MCM8: variants seen among roughly 807,000 people sequenced by gnomAD.
MCM8 encodes the protein minichromosome maintenance 8 homologous recombination repair factor, also known as DNA helicase MCM8.
MCM8 carries 85 observed loss-of-function variants against 98.9 expected under a neutral mutation model. That is an observed-to-expected ratio of 0.86 (90% CI 0.72 to 1.03). MCM8 has a LOEUF of 1.03. Ranked by LOEUF, MCM8 falls within the 50% of genes least tolerant of loss-of-function variation. The pLI, the probability that MCM8 is intolerant of heterozygous loss-of-function variation, is 0.00. For synonymous variants in MCM8, 352 were observed against 338.6 expected, an observed-to-expected ratio of 1.04 and a Z score of -0.44; for missense variants, 951 against 997.8, an observed-to-expected ratio of 0.95 and a Z score of 0.63.
chr20:5,972,911 T>C, intron 11 of MCM8, 145 bp from the exon 12 acceptor site: 1 of 1,329,374 alleles, frequency 7.5e-7, no homozygotes, highest in Non-Finnish European at 1.0e-6. Flanking sequence ...AGTTTGTTTT[T>C]AGACTTCCTT....
intron 5 of MCM8, among the ~76,000 whole-genome samples, chr20:5,956,693 G>A (rs78666004): frequency 2.0e-5 from 3 of 152,016 alleles, no homozygotes; most frequent in East Asian, 1.9e-4. Flanking sequence ...TGCGCCCAGC[G>A]TGTTTATATT....
In MCM8 at chr20:5,994,903, T is replaced by C. The variant is rs1330248999; in HGVS notation, c.*512T>C. 5.8e-6 allele frequency: 1 copy of C among 172,718 alleles called. No homozygotes were observed. The highest frequency in any genetic ancestry group is 2.4e-5 in the African/African-American group (1 of 41,856). The allele number at this position is 172,718 out of a possible 1,614,324, so 10.7% of individuals were successfully genotyped here. On this transcript the variant is annotated 3_prime_UTR_variant, in exon 19 of 19. Transcript: ENST00000610722. ...ACTCCAGCCTGGGCAATAAAGTAAC[T>C]CTTGACTCAAAAAAATAAAAAAAAT...
rs554595789 is a variant in MCM8, at chr20:5,988,875, G to A, written c.2240+1517G>A. ...CAGGTGGTTTTGCCCAGGTGGTTTTGCCCAGCTATTCCCCTTTGGCTGTGA... is the reference window on the plus strand; with the variant it reads ...CAGGTGGTTTTGCCCAGGTGGTTTTACCCAGCTATTCCCCTTTGGCTGTGA... On this transcript the variant is annotated intron_variant, in intron 17 of 18. Coordinates refer to ENST00000610722, the MANE Select transcript of MCM8 (RefSeq NM_032485.6). Among the ~76,000 whole-genome samples the A allele has an allele frequency of 4.0e-5, 6 of 151,056 alleles. No homozygotes were observed. In the South Asian group the frequency reaches 1.3e-3, roughly 31 times the overall value.
At chr20:5,953,008 A>C (rs897682742) in intron 3 of MCM8, among the ~76,000 whole-genome samples, 1 of 152,218 alleles carries the variant, frequency 6.6e-6, no homozygotes, top group African/African-American at 2.4e-5. Flanking sequence ...TGCTTAGACC[A>C]CTAAGGCAAA....
intron 6 of MCM8, 69 bp from the exon 7 acceptor site, chr20:5,958,459 C>A (rs1654819577): frequency 1.7e-6 from 2 of 1,211,090 alleles, no homozygotes; most frequent in East Asian, 2.3e-5. Flanking sequence ...CATAGTTGCT[C>A]CTAAAAGGAA....
At chr20:5,990,692 A>G (rs2122836296) in intron 17 of MCM8, among the ~76,000 whole-genome samples, 1 of 152,344 alleles carries the variant, frequency 6.6e-6, no homozygotes, top group East Asian at 1.9e-4. Context: ...CTGACCTAGC[A>G]GAGATATTTT....
chr20:5,967,625 A>G (rs377174432), intron 9 of MCM8, 38 bp downstream of exon 9: 2 of 1,575,494 alleles, frequency 1.3e-6, no homozygotes, highest in African/African-American at 2.7e-5. Flanking sequence ...TCTCTCAATA[A>G]TGATTCATCA....
chr20:5,960,961 C>T (rs2089128271), intron 7 of MCM8, among the ~76,000 whole-genome samples: 1 of 152,146 alleles, frequency 6.6e-6, no homozygotes, highest in African/African-American at 2.4e-5. Context: ...AAATAAGAAG[C>T]CCTTTTCACT....
At chr20:5,956,714 A>G (rs1205601632) in intron 5 of MCM8, among the ~76,000 whole-genome samples, 1 of 152,070 alleles carries the variant, frequency 6.6e-6, no homozygotes, top group Non-Finnish European at 1.5e-5. Context: ...ATTTAATGTT[A>G]AATGCCAAGG....
At chr20:5,977,159 T>C (rs992022355) in intron 12 of MCM8, among the ~76,000 whole-genome samples, 1 of 152,126 alleles carries the variant, frequency 6.6e-6, no homozygotes, top group African/African-American at 2.4e-5. Context: ...TAACAGTGGG[T>C]GTTTGAGATG....
At chr20:5,967,291 G>A in intron 8 of MCM8, 145 bp from the exon 9 acceptor site, 1 of 545,878 alleles carries the variant, frequency 1.8e-6, no homozygotes, top group Non-Finnish European at 3.0e-6. Flanking sequence ...GGAAACTGCT[G>A]AAGTAATTTT....
chr20:5,984,786 G>A lies in MCM8; in HGVS notation c.1739G>A (p.Gly580Glu), dbSNP rs1177635629. Reference sequence around the variant, plus strand: ...CTTTCTTTCATCCTTCATAGAATGGGGAGTGCACTACTATCCAGATTTGAT... The same window carrying A: ...CTTTCTTTCATCCTTCATAGAATGGAGAGTGCACTACTATCCAGATTTGAT... Reference protein sequence around the residue: ...AKTVSENLKMGSALLSRFDLV... With the variant: ...AKTVSENLKMESALLSRFDLV... Residue 580 changes from glycine to glutamate, a missense_variant, in exon 15 of 19, where the codon GGG becomes GAG. Coordinates refer to ENST00000610722, the MANE Select transcript of MCM8 (RefSeq NM_032485.6). The A allele has an allele frequency of 1.2e-6, 2 of 1,606,814 alleles. No individual in the cohort carries two copies. Among genetic ancestry groups the A allele is most frequent in the African/African-American group, 2.7e-5 (2 of 74,714 alleles).
chr20:5,989,493 G>C (rs2089802127), intron 17 of MCM8, among the ~76,000 whole-genome samples: 3 of 152,028 alleles, frequency 2.0e-5, no homozygotes, highest in Non-Finnish European at 2.9e-5. Context: ...TAAACCAAAG[G>C]CCTCAAAAAC....
At position 5,957,149 on chromosome 20, in the gene MCM8, G is replaced by A. The variant is rs371608635; in HGVS notation, c.510G>A (p.Arg170=). 1 of 1,613,498 alleles carries A rather than the reference G, an allele frequency of 6.2e-7. No individual in the cohort carries two copies. Among genetic ancestry groups the A allele is most frequent in the Non-Finnish European group, 8.5e-7 (1 of 1,179,672 alleles). The change falls in exon 6 of 19, where the codon AGG becomes AGA. Residue 170 remains arginine, a synonymous_variant. Coordinates refer to ENST00000610722, the MANE Select transcript of MCM8 (RefSeq NM_032485.6). ...AGGTGTTAACTAAGGACCTTGAAAG[G>A]CATGCAGCTGAGTTACAAGCCCAGG... ...IHQVLTKDLE[R]HAAELQAQEG...
At chr20:5,970,138 C>T (rs1389894478) in intron 10 of MCM8, among the ~76,000 whole-genome samples, 1 of 152,166 alleles carries the variant, frequency 6.6e-6, no homozygotes, top group Non-Finnish European at 1.5e-5. Flanking sequence ...CACAGCCCCA[C>T]CCAGTTTACT....
At position 5,998,949 on chromosome 20, in the gene MCM8, A is replaced by G. The variant is rs1386724828; in HGVS notation, c.*4558A>G. On this transcript the variant is annotated 3_prime_UTR_variant, in exon 19 of 19. Transcript: ENST00000610722. ...ATGGAGTTACTTACCATGTGTATAC[A>G]TAACACTGATTAAAAATTTTAAAAA... 1 of 152,128 alleles carries G rather than the reference A, an allele frequency of 6.6e-6. No individual in the cohort carries two copies. Among genetic ancestry groups the G allele is most frequent in the Non-Finnish European group, 1.5e-5 (1 of 68,022 alleles). The allele number at this position is 152,128 out of a possible 1,614,324, so 9.4% of individuals were successfully genotyped here.
At chr20:5,985,335 T>C (rs997002536) in intron 15 of MCM8, among the ~76,000 whole-genome samples, 4 of 151,158 alleles carry the variant, frequency 2.6e-5, no homozygotes, top group Non-Finnish European at 4.4e-5. Context: ...TCCCAGCTAC[T>C]TGGGAGGCTG....
chr20:5,985,203 T>C (rs750229991), intron 15 of MCM8, among the ~76,000 whole-genome samples: 7 of 152,100 alleles, frequency 4.6e-5, no homozygotes, highest in Non-Finnish European at 8.8e-5. Flanking sequence ...CCCAGCACTT[T>C]GGGAGGCCGA....
intron 10 of MCM8, among the ~76,000 whole-genome samples, chr20:5,970,396 C>T (rs1444883144): frequency 6.6e-6 from 1 of 152,212 alleles, no homozygotes; most frequent in Non-Finnish European, 1.5e-5. Context: ...GTGTAGGTGC[C>T]TTAACGAACA....
Sources: gnomAD v4.1 joint callset for allele counts (sites outside exome capture counted in the v4.1 genomes callset) on GRCh38, gnomAD v4.1.1 for gene constraint, MANE v1.5 for transcripts, NCBI Gene and HGNC (gene_info 2026-07-23, HGNC 2026-07-21) for gene names.